The following DLGAP4 variants were observed in gnomAD, a reference collection of about 807,000 sequenced individuals.
DLGAP4 encodes disks large-associated protein 4.
DLGAP4 carries 18 observed loss-of-function variants against 86.9 expected under a neutral mutation model. The ratio of observed to expected loss-of-function variants is 0.21; its 90% CI spans 0.14 to 0.31. The LOEUF (loss-of-function observed/expected upper bound fraction) is 0.31. Among genes scored for constraint, DLGAP4 ranks in the 10% least tolerant of loss-of-function variants. The pLI, the probability that DLGAP4 is intolerant of heterozygous loss-of-function variation, is 1.00. For missense variants in DLGAP4, 1,085 were observed against 1,362.6 expected (o/e 0.80, Z 3.21); for synonymous variants, 548 against 574.3 (o/e 0.95, Z 0.65).
chr20:36,316,256 C>G (rs1489445640), intron 1 of DLGAP4, among the ~76,000 whole-genome samples: 3 of 152,134 alleles, frequency 2.0e-5, no homozygotes, highest in Non-Finnish European at 4.4e-5. Context: ...TGGCCCAGAG[C>G]CCTGAATGAG....
chr20:36,336,071 A>C (rs1555892051), intron 1 of DLGAP4, among the ~76,000 whole-genome samples: 1 of 152,072 alleles, frequency 6.6e-6, no homozygotes. Context: ...GAGTTTGCCA[A>C]TCCAGTCCAT....
intron 1 of DLGAP4, among the ~76,000 whole-genome samples, chr20:36,312,072 C>T (rs2065058114): frequency 6.6e-6 from 1 of 152,136 alleles, no homozygotes; most frequent in Non-Finnish European, 1.5e-5. Context: ...GCCACACCTC[C>T]CCCAGCCCCG....
chr20:36,432,985 G>A lies in DLGAP4; in HGVS notation c.999+269G>A, dbSNP rs1358648984. 6.6e-6 allele frequency among the ~76,000 whole-genome samples: 1 copy of A among 152,180 alleles called. No homozygotes were observed. Among genetic ancestry groups the A allele is most frequent in the African/African-American group, 2.4e-5 (1 of 41,446 alleles). ...TGCCCTTTAGAAGACAAATCTGGAA[G>A]CTGTGCCATCCCAACCCCCTCACAG... is the stretch of plus-strand genomic sequence containing the variant. On this transcript the variant is annotated intron_variant, in intron 3 of 12. Transcript: ENST00000339266. The surrounding 1 kb of genome is among the most constrained non-coding windows in gnomAD (Gnocchi z 6.5).
chr20:36,442,798 C>A, intron 6 of DLGAP4, 21 bp downstream of exon 6: 1 of 1,614,190 alleles, frequency 6.2e-7, no homozygotes, highest in Non-Finnish European at 8.5e-7. Context: ...TTGCCCTTCT[C>A]TTCCACCCCA....
At chr20:36,340,359 C>CG (rs1368190413) in intron 1 of DLGAP4, among the ~76,000 whole-genome samples, 3 of 152,246 alleles carry the variant, frequency 2.0e-5, no homozygotes, top group Non-Finnish European at 4.4e-5. Context: ...CAAGGCTGCC[C>CG]GGCCCCATGC....
intron 2 of DLGAP4, among the ~76,000 whole-genome samples, chr20:36,422,138 C>T (rs965261536): frequency 2.0e-5 from 3 of 152,154 alleles, no homozygotes; most frequent in Admixed American, 6.5e-5. Context: ...AGCAGCAAGG[C>T]CCTGGAGGCC....
intron 7 of DLGAP4, among the ~76,000 whole-genome samples, chr20:36,481,728 T>C (rs2035195074): frequency 6.6e-6 from 1 of 152,206 alleles, no homozygotes. Flanking sequence ...GACTTCTCCC[T>C]GTGTGGATCA....
chr20:36,479,897 G>T (rs971753774), intron 7 of DLGAP4, among the ~76,000 whole-genome samples: 1 of 152,136 alleles, frequency 6.6e-6, no homozygotes, highest in Non-Finnish European at 1.5e-5. Context: ...CTTCTGGCAT[G>T]CAGAGTCCAT....
At chr20:36,504,868 G>T (rs1392350411) in intron 10 of DLGAP4, among the ~76,000 whole-genome samples, 1 of 152,122 alleles carries the variant, frequency 6.6e-6, no homozygotes, top group Non-Finnish European at 1.5e-5. Context: ...TTACTGAGTT[G>T]TAAGTCCTTT....
intron 2 of DLGAP4, among the ~76,000 whole-genome samples, chr20:36,427,157 T>C (rs951579394): frequency 3.3e-5 from 5 of 151,914 alleles, no homozygotes; most frequent in African/African-American, 1.2e-4. Context: ...CACTCCAGCC[T>C]CGGCAACAGA....
chr20:36,410,795 C>T (rs1390126805), intron 2 of DLGAP4, among the ~76,000 whole-genome samples: 4 of 152,110 alleles, frequency 2.6e-5, no homozygotes, highest in Non-Finnish European at 4.4e-5. Flanking sequence ...ACCTCCAACA[C>T]AGGGGATCCC....
chr20:36,329,674 A>G (rs1251663941), intron 1 of DLGAP4, among the ~76,000 whole-genome samples: 5 of 152,180 alleles, frequency 3.3e-5, no homozygotes, highest in Non-Finnish European at 7.3e-5. Flanking sequence ...AGGTGTGGGG[A>G]TCACTTGAGG....
At chr20:36,372,671 G>A (rs1432167240) in intron 2 of DLGAP4, among the ~76,000 whole-genome samples, 1 of 152,010 alleles carries the variant, frequency 6.6e-6, no homozygotes, top group African/African-American at 2.4e-5. Context: ...TAAATAATCC[G>A]GCAACTGCAA....
At chr20:36,426,882 T>C (rs2032988296) in intron 2 of DLGAP4, among the ~76,000 whole-genome samples, 1 of 151,982 alleles carries the variant, frequency 6.6e-6, no homozygotes, top group Non-Finnish European at 1.5e-5. Flanking sequence ...TTTGGGGTTA[T>C]GAAAATGTTT....
intron 2 of DLGAP4, among the ~76,000 whole-genome samples, chr20:36,414,985 G>T (rs1178223235): frequency 6.6e-6 from 1 of 152,330 alleles, no homozygotes; most frequent in Middle Eastern, 3.4e-3. Context: ...TCCAGAGAGG[G>T]CTGGGCACAG....
chr20:36,327,842 C>G (rs1218458555), intron 1 of DLGAP4, among the ~76,000 whole-genome samples: 16 of 148,082 alleles, frequency 1.1e-4, no homozygotes, highest in African/African-American at 3.9e-4. Context: ...CCGCCCGCCT[C>G]GGCCTCCCAA....
chr20:36,403,897 T>A (rs913465694), intron 2 of DLGAP4, among the ~76,000 whole-genome samples: 1 of 152,212 alleles, frequency 6.6e-6, no homozygotes, highest in East Asian at 1.9e-4. Context: ...CGTGGACCAC[T>A]CCATAGGGCT....
chr20:36,376,955 A>G (rs1419121976), intron 2 of DLGAP4, among the ~76,000 whole-genome samples: 2 of 152,156 alleles, frequency 1.3e-5, no homozygotes, highest in African/African-American at 2.4e-5. Context: ...TCTGGTTACC[A>G]CGGTCCAGGG....
intron 2 of DLGAP4, among the ~76,000 whole-genome samples, chr20:36,379,352 G>A (rs2031285940): frequency 6.6e-6 from 1 of 152,216 alleles, no homozygotes; most frequent in African/African-American, 2.4e-5. Context: ...GATGGAACCA[G>A]GAGACCTGTC....
Sources: allele counts gnomAD v4.1 joint callset (sites outside exome capture counted in the v4.1 genomes callset), GRCh38; gene constraint gnomAD v4.1.1; non-coding constraint Gnocchi (gnomAD v3.1); transcripts MANE v1.5; gene names NCBI Gene and HGNC (gene_info 2026-07-23, HGNC 2026-07-21).